COL25A1: variants seen among roughly 807,000 people sequenced by gnomAD.
COL25A1 encodes collagen type XXV alpha 1 chain, also known as collagen alpha-1(XXV) chain.
In COL25A1, 103 loss-of-function variants were observed where a neutral mutation model predicts 128.4. That is an observed-to-expected ratio of 0.80 (90% confidence interval 0.68 to 0.94). The LOEUF (loss-of-function observed/expected upper bound fraction) is 0.94. Ranked by LOEUF, COL25A1 falls within the 40% of genes least tolerant of loss-of-function variation. COL25A1 has a pLI of 0.00. For synonymous variants in COL25A1, 279 were observed against 277.2 expected, an observed-to-expected ratio of 1.01 and a Z score of -0.06; for missense variants, 745 against 840.0, an observed-to-expected ratio of 0.89 and a Z score of 1.40.
At chr4:109,187,168 C>T (rs1437419664) in intron 3 of COL25A1, among the ~76,000 whole-genome samples, 3 of 148,564 alleles carry the variant, frequency 2.0e-5, no homozygotes, top group Non-Finnish European at 3.0e-5. Flanking sequence ...GACACAGAGT[C>T]GTGTTTTGTG....
chr4:108,853,955 T>G (rs1736148797), intron 24 of COL25A1: 1 of 152,154 alleles, frequency 6.6e-6, no homozygotes, highest in Non-Finnish European at 1.5e-5. Context: ...TTTGCTATTG[T>G]GAATAGTGCT....
At chr4:108,817,747 T>C (rs945361712) in intron 36 of COL25A1, among the ~76,000 whole-genome samples, 2 of 152,194 alleles carry the variant, frequency 1.3e-5, no homozygotes, top group Non-Finnish European at 2.9e-5. Flanking sequence ...AATAAATCTA[T>C]ACTCTTAATT....
chr4:108,824,724 T>C lies in COL25A1; in HGVS notation c.1791+472A>G, dbSNP rs147285318. 3.9e-5 allele frequency among the ~76,000 whole-genome samples: 6 copies of C among 152,356 alleles called. No individual in the cohort carries two copies. In the East Asian group the frequency reaches 1.2e-3, roughly 29 times the overall value. On this transcript the variant is annotated intron_variant, in intron 34 of 37. Coordinates refer to ENST00000399132, the MANE Select transcript of COL25A1 (RefSeq NM_198721.4). Reference sequence around the variant, plus strand: ...GGTAATACAGGATGAGCAGTGATTGTGTCTAGAGGCATTTACTTTTGACAT... The same window carrying C: ...GGTAATACAGGATGAGCAGTGATTGCGTCTAGAGGCATTTACTTTTGACAT...
In COL25A1 at chr4:108,859,140, T is replaced by A. The variant is rs986720020; in HGVS notation, c.1320+516A>T. On this transcript the variant is annotated intron_variant, in intron 24 of 37. Coordinates refer to ENST00000399132, the MANE Select transcript of COL25A1 (RefSeq NM_198721.4). ...GGGCTTACTATGTACCAGGAACTGT[T>A]CTAAGAGTATAATATATATTGTGCC... Among the ~76,000 whole-genome samples, 7 of 152,188 alleles carry A rather than the reference T, an allele frequency of 4.6e-5. No homozygotes were observed. The East Asian group carries it at 1.3e-3, about 29-fold the overall frequency.
chr4:108,820,298 T>C (rs1644873809), intron 35 of COL25A1, among the ~76,000 whole-genome samples: 1 of 152,204 alleles, frequency 6.6e-6, no homozygotes, highest in Non-Finnish European at 1.5e-5. Flanking sequence ...TTTCAATACC[T>C]GTCACCTTGC....
intron 3 of COL25A1, among the ~76,000 whole-genome samples, chr4:109,107,975 A>G (rs10029097): frequency 0.21 from 32,223 of 152,106 alleles, 4,071 homozygotes; most frequent in East Asian, 0.39. Flanking sequence ...CTTTTCATCT[A>G]AAAGGTATCA....
At chr4:108,945,824 C>T (rs1182220353) in intron 8 of COL25A1, among the ~76,000 whole-genome samples, 1 of 151,942 alleles carries the variant, frequency 6.6e-6, no homozygotes, top group African/African-American at 2.4e-5. Context: ...ACCACCATGC[C>T]CAGCTATTTT....
intron 5 of COL25A1, among the ~76,000 whole-genome samples, chr4:109,026,408 T>C (rs1000945250): frequency 1.3e-5 from 2 of 152,188 alleles, no homozygotes; most frequent in African/African-American, 4.8e-5. Flanking sequence ...ATTTGTATTG[T>C]AATTGATTAA....
chr4:108,892,352 G>A (rs1741611816), intron 16 of COL25A1, among the ~76,000 whole-genome samples: 1 of 152,126 alleles, frequency 6.6e-6, no homozygotes. Context: ...TTTTGTTTGT[G>A]ATTATTTTCA....
chr4:108,906,413 T>C (rs1472108638), intron 13 of COL25A1, among the ~76,000 whole-genome samples: 2 of 152,076 alleles, frequency 1.3e-5, no homozygotes, highest in African/African-American at 2.4e-5. Flanking sequence ...TACCCCTGAG[T>C]TCCCCCCACT....
At chr4:109,049,673 T>A (rs1048743578) in intron 4 of COL25A1, among the ~76,000 whole-genome samples, 1 of 152,188 alleles carries the variant, frequency 6.6e-6, no homozygotes, top group Non-Finnish European at 1.5e-5. Context: ...AGTAAAAGCA[T>A]GACAGAATTG....
At chr4:108,972,644 T>C (rs946257243) in intron 8 of COL25A1, among the ~76,000 whole-genome samples, 1 of 152,152 alleles carries the variant, frequency 6.6e-6, no homozygotes, top group African/African-American at 2.4e-5. Flanking sequence ...ATTCCTTCAA[T>C]ACAAAGCAAA....
intron 35 of COL25A1, among the ~76,000 whole-genome samples, chr4:108,819,594 C>T (rs925780182): frequency 2.0e-5 from 3 of 152,080 alleles, no homozygotes; most frequent in Non-Finnish European, 4.4e-5. Flanking sequence ...TCCAATTGTG[C>T]CGTGATATTT....
intron 11 of COL25A1, among the ~76,000 whole-genome samples, chr4:108,927,701 C>T (rs1210962729): frequency 2.0e-5 from 3 of 152,114 alleles, no homozygotes; most frequent in Admixed American, 1.3e-4. Flanking sequence ...TTTGACTTCT[C>T]TATCTCATGT....
intron 19 of COL25A1, among the ~76,000 whole-genome samples, chr4:108,874,631 A>T (rs1194438732): frequency 6.6e-6 from 1 of 152,228 alleles, no homozygotes; most frequent in Non-Finnish European, 1.5e-5. Context: ...TTAAACAGGC[A>T]GACTGCAAGT....
intron 8 of COL25A1, among the ~76,000 whole-genome samples, chr4:108,962,082 C>T (rs2125970256): frequency 6.6e-6 from 1 of 152,302 alleles, no homozygotes; most frequent in Non-Finnish European, 1.5e-5. Flanking sequence ...CCTGCCATTT[C>T]CCGTTGCATC....
intron 36 of COL25A1, among the ~76,000 whole-genome samples, chr4:108,818,891 T>C (rs1241513833): frequency 6.6e-6 from 1 of 151,440 alleles, no homozygotes; most frequent in Non-Finnish European, 1.5e-5. Flanking sequence ...AGAAAAAAAG[T>C]CAAACTTAGG....
intron 20 of COL25A1, among the ~76,000 whole-genome samples, chr4:108,865,545 T>C (rs1349502042): frequency 6.6e-6 from 1 of 152,088 alleles, no homozygotes; most frequent in African/African-American, 2.4e-5. Context: ...CTTTTTGTCA[T>C]CCCCCACCCC....
At chr4:108,864,301 A>G (rs1167100478) in intron 20 of COL25A1, among the ~76,000 whole-genome samples, 1 of 152,176 alleles carries the variant, frequency 6.6e-6, no homozygotes, top group African/African-American at 2.4e-5. Context: ...CTTTTTAAGC[A>G]CTGCTGGCAA....
Sources: gnomAD v4.1 joint callset for allele counts (sites outside exome capture counted in the v4.1 genomes callset) on GRCh38, gnomAD v4.1.1 for gene constraint, MANE v1.5 for transcripts, NCBI Gene and HGNC (gene_info 2026-07-23, HGNC 2026-07-21) for gene names.